Variants in NLRP7 observed in about 807,000 individuals in gnomAD.
NLRP7 encodes the protein NACHT, LRR and PYD domains-containing protein 7.
NLRP7 carries 72 observed loss-of-function variants against 85.5 expected under a neutral mutation model. The observed-to-expected ratio is 0.84, with a 90% CI of 0.70 to 1.02. The LOEUF (loss-of-function observed/expected upper bound fraction) is 1.02. NLRP7 is among the 50% of genes least tolerant of loss of function. The probability of loss-of-function intolerance (pLI) is 0.00; values close to 1 mark genes in which losing one functional copy is unlikely to be tolerated. For missense variants in NLRP7, 1,243 were observed against 1,219.5 expected (o/e 1.02, Z -0.29); for synonymous variants, 550 against 505.2 (o/e 1.09, Z -1.19).
Position 54,939,517 on chromosome 19 carries a change from G to A in NLRP7, c.1302C>T (p.Asp434=), listed in dbSNP as rs104895545. Residue 434 remains aspartate, a synonymous_variant, in exon 4 of 10, where the codon GAC becomes GAT. Coordinates refer to ENST00000340844, the Ensembl canonical transcript of NLRP7. Reference sequence around the variant, plus strand: ...ACTCCTGCACCCCGAGCCTTTCCAGGTCCTCTCGGTGGAACACGGACATCT... The same window carrying A: ...ACTCCTGCACCCCGAGCCTTTCCAGATCCTCTCGGTGGAACACGGACATCT... The A allele has an allele frequency of 1.7e-4, 279 of 1,612,526 alleles. No homozygotes were observed. The African/African-American group carries it at 2.5e-3, about 15-fold the overall frequency.
At chr19:54,929,237 T>TGCAC (rs1470685797) in intron 9 of NLRP7, among the ~76,000 whole-genome samples, 1 of 151,876 alleles carries the variant, frequency 6.6e-6, no homozygotes. Context: ...GGTATGGTGG[T>TGCAC]GCACGCCTGT....
At chr19:54,935,651 C>T (rs1280933898) in intron 6 of NLRP7, among the ~76,000 whole-genome samples, 2 of 150,780 alleles carry the variant, frequency 1.3e-5, no homozygotes, top group African/African-American at 2.4e-5. Flanking sequence ...GAGATCGCGC[C>T]ACTGCGCTCC....
At chr19:54,952,014 A>G (rs566536928), upstream of NLRP7, among the ~76,000 whole-genome samples, 164 of 152,150 alleles carry the variant, frequency 1.1e-3, no homozygotes, top group African/African-American at 3.8e-3. Flanking sequence ...GGCCTCCCAA[A>G]GTGCTGGGAT....
chr19:54,928,349 T>C (rs140183880), intron 9 of NLRP7, among the ~76,000 whole-genome samples: 19 of 152,126 alleles, frequency 1.2e-4, no homozygotes, highest in South Asian at 4.1e-4. Context: ...AGCCAACATA[T>C]CACCACTGCA....
chr19:54,933,686 A>G lies in NLRP7; in HGVS notation c.2525T>C (p.Leu842Ser), dbSNP rs1188944929. The G allele has an allele frequency of 1.9e-6, 3 of 1,614,064 alleles. No homozygotes were observed. In the African/African-American group the frequency reaches 4.0e-5, roughly 22 times the overall value. ...GTGTGTCAGCTTCTTGCTGACAACCAAGACAGCAGCAAGGTCCTTGCAACT... is the reference window on the plus strand; with the variant it reads ...GTGTGTCAGCTTCTTGCTGACAACCGAGACAGCAGCAAGGTCCTTGCAACT... Residue 842 changes from leucine to serine, a missense_variant, in exon 8 of 10, where the codon TTG becomes TCG. Leu to Ser is a moderately radical substitution (Grantham distance 145). Transcript: ENST00000340844.
chr19:54,936,656 T>G (rs2068942344), intron 5 of NLRP7, among the ~76,000 whole-genome samples: 1 of 151,552 alleles, frequency 6.6e-6, no homozygotes, highest in Admixed American at 6.6e-5. Flanking sequence ...ACTCCATCTC[T>G]ACAAAAAATA....
chr19:54,936,624 C>A (rs147840047), intron 5 of NLRP7, among the ~76,000 whole-genome samples, 193 bp from the exon 6 acceptor site: 5 of 150,626 alleles, frequency 3.3e-5, no homozygotes, highest in Admixed American at 6.6e-5. Flanking sequence ...GAGTCTGAGA[C>A]CAACCTGGGC....
At chr19:54,948,295 C>A (rs1412810387), upstream of NLRP7, among the ~76,000 whole-genome samples, 1 of 151,976 alleles carries the variant, frequency 6.6e-6, no homozygotes, top group Non-Finnish European at 1.5e-5. Flanking sequence ...TGAGACAGGA[C>A]AATCACTTGA....
chr19:54,959,848 C>G lies in NLRP7; in HGVS notation c.-77+6192G>C, dbSNP rs561546009. 5.5e-4 allele frequency among the ~76,000 whole-genome samples: 84 copies of G among 152,008 alleles called. 1 individual carries two copies. Among genetic ancestry groups the G allele is most frequent in the Admixed American group, 9.9e-4 (15 of 15,176 alleles). On this transcript the variant is annotated intron_variant, in intron 1 of 2. Coordinates refer to the NLRP7 transcript ENST00000587103. ...TTTACCCAACTGCTCCGTTTTAGGTCCGCTCCTGAGCTTCTGTTGTTCCCA... is the reference window on the plus strand; with the variant it reads ...TTTACCCAACTGCTCCGTTTTAGGTGCGCTCCTGAGCTTCTGTTGTTCCCA...
At chr19:54,951,538 T>TGA (rs2069668774), upstream of NLRP7, among the ~76,000 whole-genome samples, 1 of 151,468 alleles carries the variant, frequency 6.6e-6, no homozygotes, top group Non-Finnish European at 1.5e-5. Context: ...TGCAACAGAG[T>TGA]GAGACTCCAT....
chr19:54,930,097 T>A, intron 9 of NLRP7, among the ~76,000 whole-genome samples: 1 of 106,338 alleles, frequency 9.4e-6, no homozygotes, highest in South Asian at 3.0e-4. Flanking sequence ...CCTGGGCAAC[T>A]AGAACGAGGC....
chr19:54,935,813 GA>G (rs1459591641), intron 6 of NLRP7, among the ~76,000 whole-genome samples: 2 of 152,016 alleles, frequency 1.3e-5, no homozygotes, highest in Non-Finnish European at 2.9e-5. Context: ...CCCAAAGTGC[GA>G]GGATCATGCA....
chr19:54,939,803 T>A, exon 4 of NLRP7: 10 of 1,613,836 alleles, frequency 6.2e-6, no homozygotes, highest in Admixed American at 1.7e-5. Flanking sequence ...TTGGTCCTCG[T>A]CTCCAAAGTG....
At chr19:54,957,732 T>G (rs935730360) in intron 1 of NLRP7, among the ~76,000 whole-genome samples, 8 of 152,188 alleles carry the variant, frequency 5.3e-5, no homozygotes, top group African/African-American at 1.9e-4. Flanking sequence ...GTGGGACTCC[T>G]GTGCATACAT....
At chr19:54,956,632 T>G (rs925240646) in intron 1 of NLRP7, among the ~76,000 whole-genome samples, 26 of 150,446 alleles carry the variant, frequency 1.7e-4, no homozygotes, top group Non-Finnish European at 3.6e-4. Flanking sequence ...AGGCGGAGGT[T>G]GCAGTGAGCT....
intron 9 of NLRP7, among the ~76,000 whole-genome samples, chr19:54,928,381 G>A (rs1037766784): frequency 6.6e-6 from 1 of 152,136 alleles, no homozygotes. Context: ...GTGAAAGAGT[G>A]AGACTTGGTC....
intron 1 of NLRP7, among the ~76,000 whole-genome samples, chr19:54,944,931 T>A (rs941338008): frequency 9.2e-5 from 14 of 152,062 alleles, no homozygotes; most frequent in Non-Finnish European, 1.8e-4. Context: ...CAACGCTTGA[T>A]GTACTTAGAA....
At chr19:54,931,452 G>GTCT (rs1267437481) in intron 8 of NLRP7, among the ~76,000 whole-genome samples, 8 of 152,108 alleles carry the variant, frequency 5.3e-5, no homozygotes, top group Non-Finnish European at 8.8e-5. Flanking sequence ...CACTTTGGGA[G>GTCT]GCTGAGGCAG....
chr19:54,931,516 C>A (rs1225985575), intron 8 of NLRP7, among the ~76,000 whole-genome samples: 2 of 152,072 alleles, frequency 1.3e-5, no homozygotes, highest in Non-Finnish European at 2.9e-5. Flanking sequence ...ATGGAGAAAC[C>A]CGTCTCTACT....
Sources: gnomAD v4.1 joint callset for allele counts (sites outside exome capture counted in the v4.1 genomes callset) on GRCh38, gnomAD v4.1.1 for gene constraint, MANE v1.5 for transcripts, NCBI Gene and HGNC (gene_info 2026-07-23, HGNC 2026-07-21) for gene names.